Variants in FRYL observed in about 807,000 individuals in gnomAD.
The protein encoded by FRYL is FRY like transcription coactivator, also known as protein furry homolog-like.
A neutral mutation model predicts 351.2 loss-of-function variants in FRYL; 150 were observed. The observed-to-expected ratio is 0.43, with a 90% CI of 0.37 to 0.49. FRYL has a LOEUF of 0.49. Ranked by LOEUF, FRYL falls within the 20% of genes least tolerant of loss-of-function variation. FRYL has a pLI of 0.00. For synonymous variants in FRYL, 1,153 were observed against 1,257.1 expected, an observed-to-expected ratio of 0.92 and a Z score of 1.75; for missense variants, 3,036 against 3,619.3, an observed-to-expected ratio of 0.84 and a Z score of 4.13.
chr4:48,532,101 C>T (rs1441925219), intron 49 of FRYL, among the ~76,000 whole-genome samples: 1 of 152,022 alleles, frequency 6.6e-6, no homozygotes, highest in Non-Finnish European at 1.5e-5. Context: ...GAAAAGGATA[C>T]ATAGAAAAAA....
intron 1 of FRYL, among the ~76,000 whole-genome samples, chr4:48,763,204 T>G (rs1774590487): frequency 6.6e-6 from 1 of 151,534 alleles, no homozygotes; most frequent in African/African-American, 2.4e-5. Flanking sequence ...CTCATGCCTC[T>G]AATTCCAAGC....
chr4:48,553,132 G>C (rs1733265901), intron 36 of FRYL, 83 bp downstream of exon 36: 1 of 1,003,200 alleles, frequency 1.0e-6, no homozygotes, highest in Non-Finnish European at 1.5e-6. Flanking sequence ...ATGGGACATA[G>C]AGACCCTAAA....
intron 1 of FRYL, among the ~76,000 whole-genome samples, chr4:48,739,738 A>G (rs1372668067): frequency 6.6e-6 from 1 of 152,214 alleles, no homozygotes; most frequent in East Asian, 1.9e-4. Flanking sequence ...TGCCTCCTCC[A>G]AAACTCATGT....
chr4:48,697,119 A>G (rs1304521285), intron 2 of FRYL, among the ~76,000 whole-genome samples: 1 of 152,076 alleles, frequency 6.6e-6, no homozygotes, highest in African/African-American at 2.4e-5. Context: ...CCACAATAAA[A>G]CCTTGTACAC....
intron 20 of FRYL, among the ~76,000 whole-genome samples, chr4:48,582,245 G>A (rs1741105056): frequency 6.6e-6 from 1 of 152,122 alleles, no homozygotes; most frequent in South Asian, 2.1e-4. Context: ...ACCTAAAAGT[G>A]AGCTGGAATT....
chr4:48,590,258 G>A (rs1247614889), intron 17 of FRYL, among the ~76,000 whole-genome samples: 1 of 152,050 alleles, frequency 6.6e-6, no homozygotes, highest in Non-Finnish European at 1.5e-5. Context: ...TGAGGCGAGT[G>A]AAATCACTTG....
In FRYL at chr4:48,733,536, G is replaced by A. The variant is rs577434745; in HGVS notation, c.-383-22838C>T. On this transcript the variant is annotated intron_variant, in intron 1 of 63. Transcript: ENST00000358350. ...GAAAAACTCTGGAGAAGGAACAAGTGAAGGTAAATTAAAAACTTTTCTTTT... is the reference window on the plus strand; with the variant it reads ...GAAAAACTCTGGAGAAGGAACAAGTAAAGGTAAATTAAAAACTTTTCTTTT... Among the ~76,000 whole-genome samples the A allele has an allele frequency of 5.3e-5, 8 of 152,196 alleles. No individual in the cohort carries two copies. The South Asian group carries it at 1.4e-3, about 28-fold the overall frequency.
intron 16 of FRYL, among the ~76,000 whole-genome samples, chr4:48,593,543 C>T (rs1258651987): frequency 3.9e-5 from 6 of 151,936 alleles, no homozygotes; most frequent in Non-Finnish European, 8.8e-5. Flanking sequence ...GGGGTTTCTC[C>T]ATGTTGGGGT....
intron 61 of FRYL, 30 bp downstream of exon 61, chr4:48,502,798 G>A (rs1719998788): frequency 6.3e-7 from 1 of 1,584,676 alleles, no homozygotes; most frequent in Non-Finnish European, 8.6e-7. Context: ...GCAAGGGTGA[G>A]TAGTCTATAA....
At chr4:48,731,424 G>GA (rs1388746578) in intron 1 of FRYL, among the ~76,000 whole-genome samples, 2 of 152,116 alleles carry the variant, frequency 1.3e-5, no homozygotes, top group African/African-American at 4.8e-5. Context: ...CACAGAATTG[G>GA]AAAAAACTAC....
intron 3 of FRYL, among the ~76,000 whole-genome samples, chr4:48,681,613 T>C (rs1232760948): frequency 6.6e-6 from 1 of 152,208 alleles, no homozygotes; most frequent in Non-Finnish European, 1.5e-5. Context: ...TGTCAACTTT[T>C]ATAAAACATG....
At chr4:48,742,101 T>C (rs1244571963) in intron 1 of FRYL, among the ~76,000 whole-genome samples, 3 of 152,234 alleles carry the variant, frequency 2.0e-5, no homozygotes, top group African/African-American at 4.8e-5. Flanking sequence ...ATGGAGGCTA[T>C]GCATGTGTGG....
At chr4:48,510,756 A>G in intron 58 of FRYL, 79 bp downstream of exon 58, 2 of 1,112,598 alleles carry the variant, frequency 1.8e-6, no homozygotes, top group Non-Finnish European at 2.7e-6. Context: ...TAAAATTCAG[A>G]ATTACTTAGA....
intron 9 of FRYL, among the ~76,000 whole-genome samples, chr4:48,607,638 C>T (rs889502993): frequency 2.6e-5 from 4 of 152,194 alleles, no homozygotes; most frequent in African/African-American, 9.7e-5. Context: ...CACTCCCACT[C>T]AACCCCACCA....
At chr4:48,612,973 G>A (rs1293858229) in intron 7 of FRYL, among the ~76,000 whole-genome samples, 4 of 152,104 alleles carry the variant, frequency 2.6e-5, no homozygotes, top group Non-Finnish European at 1.5e-5. Flanking sequence ...GAGTATGTAT[G>A]TATATGAAGA....
At chr4:48,565,110 G>C in intron 29 of FRYL, 67 bp from the exon 30 acceptor site, 2 of 850,076 alleles carry the variant, frequency 2.4e-6, no homozygotes, top group Non-Finnish European at 1.9e-6. Flanking sequence ...TGCTTAATGA[G>C]AAGAGGCAAA....
At chr4:48,508,278 C>T (rs573007845) in intron 59 of FRYL, among the ~76,000 whole-genome samples, 1 of 152,274 alleles carries the variant, frequency 6.6e-6, no homozygotes, top group African/African-American at 2.4e-5. Flanking sequence ...ATCAGCTTGT[C>T]AATTTCCATT....
At chr4:48,537,643 C>A (rs556390059) in intron 47 of FRYL, among the ~76,000 whole-genome samples, 1 of 152,274 alleles carries the variant, frequency 6.6e-6, no homozygotes, top group East Asian at 1.9e-4. Context: ...TGCTGTCCAA[C>A]AGGAAGAAAA....
At chr4:48,566,158 G>C (rs1736731572) in intron 28 of FRYL, among the ~76,000 whole-genome samples, 1 of 152,068 alleles carries the variant, frequency 6.6e-6, no homozygotes, top group African/African-American at 2.4e-5. Context: ...CCTGCTAAAG[G>C]AAGCTTACAT....
Sources: gnomAD v4.1 joint callset for allele counts (sites outside exome capture counted in the v4.1 genomes callset) on GRCh38, gnomAD v4.1.1 for gene constraint, MANE v1.5 for transcripts, NCBI Gene and HGNC (gene_info 2026-07-23, HGNC 2026-07-21) for gene names.